The following GUCA1C variants were observed in gnomAD, a reference collection of about 807,000 sequenced individuals.
The protein encoded by GUCA1C is guanylate cyclase activator 1C.
In GUCA1C, 15 loss-of-function variants were observed where a neutral mutation model predicts 16.2. The ratio of observed to expected loss-of-function variants is 0.93; its 90% CI spans 0.62 to 1.43. The LOEUF is 1.43. GUCA1C is among the 40% of genes most tolerant of loss of function. The pLI is 0.00. For missense variants in GUCA1C, 275 were observed against 244.8 expected, an observed-to-expected ratio of 1.12 and a Z score of -0.82; for synonymous variants, 78 against 85.4, an observed-to-expected ratio of 0.91 and a Z score of 0.48.
intron 3 of GUCA1C, among the ~76,000 whole-genome samples, chr3:108,914,766 T>C (rs1053518973): frequency 6.6e-6 from 1 of 152,244 alleles, no homozygotes; most frequent in Non-Finnish European, 1.5e-5. Context: ...TCCAGTTCGA[T>C]GACCACGATT....
intron 1 of GUCA1C, among the ~76,000 whole-genome samples, chr3:108,943,479 A>T (rs1369444797): frequency 1.3e-5 from 2 of 152,322 alleles, no homozygotes; most frequent in African/African-American, 4.8e-5. Context: ...CTTAGGAGGC[A>T]TAGCTGTGAA....
At chr3:108,910,518 C>G (rs1247966516) in intron 3 of GUCA1C, among the ~76,000 whole-genome samples, 1 of 151,320 alleles carries the variant, frequency 6.6e-6, no homozygotes, top group African/African-American at 2.4e-5. Context: ...GGCAAAGATT[C>G]TACCAGCAAA....
chr3:108,918,808 A>T (rs539770414), intron 2 of GUCA1C, among the ~76,000 whole-genome samples: 234 of 152,198 alleles, frequency 1.5e-3, no homozygotes, highest in African/African-American at 5.3e-3. Flanking sequence ...TGCCCATTAT[A>T]TAGAAAGTGT....
intron 3 of GUCA1C, among the ~76,000 whole-genome samples, chr3:108,915,767 G>A (rs372053218): frequency 6.6e-6 from 1 of 152,086 alleles, no homozygotes; most frequent in African/African-American, 2.4e-5. Context: ...ATAAGCTCAA[G>A]TTTTCTGTTA....
At chr3:108,949,013 A>C (rs1288818536) in intron 1 of GUCA1C, among the ~76,000 whole-genome samples, 1 of 151,850 alleles carries the variant, frequency 6.6e-6, no homozygotes, top group Non-Finnish European at 1.5e-5. Context: ...ACGCCCGGCT[A>C]ATTTTTGTAT....
intron 3 of GUCA1C, among the ~76,000 whole-genome samples, chr3:108,910,686 G>C (rs1390990880): frequency 6.7e-6 from 1 of 150,194 alleles, no homozygotes; most frequent in Non-Finnish European, 1.5e-5. Flanking sequence ...GTCTCCCTCT[G>C]TCTCCCAGGC....
At chr3:108,938,278 A>G (rs1249834612) in intron 1 of GUCA1C, among the ~76,000 whole-genome samples, 1 of 152,190 alleles carries the variant, frequency 6.6e-6, no homozygotes, top group Non-Finnish European at 1.5e-5. Context: ...ATGAATTTTC[A>G]CAGCCCCATA....
intron 1 of GUCA1C, among the ~76,000 whole-genome samples, chr3:108,924,661 A>T (rs1946604843): frequency 1.3e-5 from 2 of 152,072 alleles, no homozygotes; most frequent in South Asian, 4.1e-4. Flanking sequence ...TAATAGAAGG[A>T]TTTAGGGAGG....
chr3:108,929,530 G>C (rs1946648746), intron 1 of GUCA1C, among the ~76,000 whole-genome samples: 1 of 152,058 alleles, frequency 6.6e-6, no homozygotes, highest in African/African-American at 2.4e-5. Flanking sequence ...CCTTGTTTCT[G>C]ATCTCAGTGG....
chr3:108,943,621 A>G (rs926192109), intron 1 of GUCA1C, among the ~76,000 whole-genome samples: 2 of 152,164 alleles, frequency 1.3e-5, no homozygotes, highest in African/African-American at 4.8e-5. Flanking sequence ...AATCCTGGAG[A>G]GTGGCGGGAG....
At chr3:108,938,304 C>T (rs1424922055) in intron 1 of GUCA1C, among the ~76,000 whole-genome samples, 2 of 152,134 alleles carry the variant, frequency 1.3e-5, no homozygotes, top group Non-Finnish European at 2.9e-5. Context: ...AAGACATTTG[C>T]ATGCTTTCTT....
intron 3 of GUCA1C, among the ~76,000 whole-genome samples, chr3:108,913,095 A>G (rs1189521921): frequency 6.6e-6 from 1 of 152,104 alleles, no homozygotes; most frequent in Non-Finnish European, 1.5e-5. Context: ...ATTAACAATC[A>G]AATTGGGATT....
chr3:108,910,657 T>C (rs1366899134), intron 3 of GUCA1C, among the ~76,000 whole-genome samples: 1 of 151,874 alleles, frequency 6.6e-6, no homozygotes, highest in Non-Finnish European at 1.5e-5. Flanking sequence ...TTTCTTCTTC[T>C]TCTTTTTTTT....
chr3:108,920,265 G>A (rs1946556464), intron 2 of GUCA1C, among the ~76,000 whole-genome samples, 171 bp downstream of exon 2: 1 of 152,144 alleles, frequency 6.6e-6, no homozygotes, highest in African/African-American at 2.4e-5. Flanking sequence ...CTGATTTGCT[G>A]TTGCCCATTC....
intron 1 of GUCA1C, among the ~76,000 whole-genome samples, chr3:108,948,465 C>T (rs185358558): frequency 1.6e-4 from 24 of 152,104 alleles, no homozygotes; most frequent in Admixed American, 3.9e-4. Context: ...CCCAGTCTCA[C>T]GTAGTTCTTT....
chr3:108,945,543 G>A (rs964094254), intron 1 of GUCA1C, among the ~76,000 whole-genome samples: 3 of 152,182 alleles, frequency 2.0e-5, no homozygotes, highest in Non-Finnish European at 4.4e-5. Flanking sequence ...AGAAACTAAG[G>A]AACTTGTGTT....
At chr3:108,920,136 C>G (rs7635872) in intron 2 of GUCA1C, among the ~76,000 whole-genome samples, 52,911 of 151,958 alleles carry the variant, frequency 0.35, 9,432 homozygotes, top group African/African-American at 0.4. Flanking sequence ...ACAAGGCATT[C>G]TGCACTGAGG....
chr3:108,946,142 G>GT (rs1946841819), intron 1 of GUCA1C, among the ~76,000 whole-genome samples: 2 of 152,244 alleles, frequency 1.3e-5, no homozygotes, highest in Admixed American at 1.3e-4. Flanking sequence ...GTGGTAATTT[G>GT]TTTTTTGAAA....
intron 1 of GUCA1C, among the ~76,000 whole-genome samples, chr3:108,944,788 A>G (rs1946827058): frequency 6.6e-6 from 1 of 152,240 alleles, no homozygotes; most frequent in Non-Finnish European, 1.5e-5. Context: ...GTATGCCATC[A>G]TGCTATAATA....
Sources: gnomAD v4.1 joint callset for allele counts (sites outside exome capture counted in the v4.1 genomes callset) on GRCh38, gnomAD v4.1.1 for gene constraint, MANE v1.5 for transcripts, NCBI Gene and HGNC (gene_info 2026-07-23, HGNC 2026-07-21) for gene names.